Variants in RBFA observed in about 807,000 individuals in gnomAD.
RBFA encodes the protein ribosome binding factor A, also known as putative ribosome-binding factor A, mitochondrial.
A neutral mutation model predicts 27.9 loss-of-function variants in RBFA; 16 were observed. That is an observed-to-expected ratio of 0.57 (90% confidence interval 0.39 to 0.87). The LOEUF (loss-of-function observed/expected upper bound fraction) is 0.87, where lower values mean the gene tolerates loss of function less well. Ranked by LOEUF, RBFA falls within the 40% of genes least tolerant of loss-of-function variation. The pLI, the probability that RBFA is intolerant of heterozygous loss-of-function variation, is 0.00. For synonymous variants in RBFA, 181 were observed against 181.0 expected, an observed-to-expected ratio of 1.00 and a Z score of 0.00; for missense variants, 456 against 432.1, an observed-to-expected ratio of 1.06 and a Z score of -0.49.
chr18:80,038,386 C>T, intron 3 of RBFA, 119 bp from the exon 4 acceptor site: 1 of 691,770 alleles, frequency 1.4e-6, no homozygotes, highest in South Asian at 1.8e-5. Context: ...CAGCAGCATG[C>T]CAGAGCCCTG....
intron 6 of RBFA, among the ~76,000 whole-genome samples, chr18:80,044,882 G>A (rs1226388597): frequency 2.6e-5 from 4 of 152,332 alleles, no homozygotes; most frequent in East Asian, 3.9e-4. Context: ...AGACAGCAGC[G>A]TCAACATCGC....
At chr18:80,039,692 A>G (rs907672779) in intron 4 of RBFA, among the ~76,000 whole-genome samples, 1 of 152,240 alleles carries the variant, frequency 6.6e-6, no homozygotes, top group African/African-American at 2.4e-5. Flanking sequence ...TGAGATTGGC[A>G]GCGACCTTAA....
intron 1 of RBFA, chr18:80,034,907 A>G: frequency 2.2e-6 from 1 of 444,914 alleles, no homozygotes; most frequent in Non-Finnish European, 4.0e-6. Flanking sequence ...CGTATTTTTC[A>G]GAAGATTAGT....
intron 2 of RBFA, 147 bp from the exon 3 acceptor site, chr18:80,037,183 T>G: frequency 1.7e-6 from 1 of 596,492 alleles, no homozygotes; most frequent in African/African-American, 1.8e-5. Flanking sequence ...TTATAAAACT[T>G]TATCTTAATG....
rs2052052084 is a variant in RBFA, at chr18:80,046,103, G to A, written c.980G>A (p.Arg327Lys). Residue 327 changes from arginine to lysine, a missense_variant, in exon 7 of 7, where the codon AGA becomes AAA. By Grantham distance (26) the Arg-to-Lys change is conservative. Transcript: ENST00000306735. ...APDTEELEAERGGGRTEDGHS... is the reference protein window; with the variant it reads ...APDTEELEAEKGGGRTEDGHS... The stretch of plus-strand genomic sequence containing the variant: ...GACACAGAGGAGTTGGAGGCAGAGA[G>A]AGGAGGTGGCAGAACAGAGGATGGC... The A allele has an allele frequency of 6.2e-7, 1 of 1,614,180 alleles. No individual in the cohort carries two copies.
intron 6 of RBFA, among the ~76,000 whole-genome samples, chr18:80,044,934 C>T (rs2052040616): frequency 6.6e-6 from 1 of 152,204 alleles, no homozygotes; most frequent in Non-Finnish European, 1.5e-5. Flanking sequence ...CTGCCAGGTG[C>T]ATCCCTGAGC....
chr18:80,042,265 T>C, intron 5 of RBFA, 46 bp downstream of exon 5: 2 of 1,302,906 alleles, frequency 1.5e-6, no homozygotes, highest in Non-Finnish European at 2.1e-6. Flanking sequence ...ATTTTTATTT[T>C]TTTAATTAGA....
chr18:80,045,049 C>A (rs1416686516), intron 6 of RBFA, among the ~76,000 whole-genome samples: 1 of 152,168 alleles, frequency 6.6e-6, no homozygotes, highest in Non-Finnish European at 1.5e-5. Context: ...TGGAAACTTT[C>A]CAAAGTGGAG....
In RBFA at chr18:80,046,173, A is replaced by T. The variant is rs2052052775; in HGVS notation, c.*18A>T. On this transcript the variant is annotated 3_prime_UTR_variant, in exon 7 of 7. Coordinates refer to ENST00000306735, the MANE Select transcript of RBFA (RefSeq NM_024805.3). ...GGGAGTAGATGGAGAGGCTCTGCCC[A>T]TCCCACATTTGCAGGGAAAAGCATT... 6.2e-7 allele frequency: 1 copy of T among 1,606,418 alleles called. No homozygotes were observed. The highest frequency in any genetic ancestry group is 1.7e-5 in the Admixed American group (1 of 59,586).
intron 1 of RBFA, among the ~76,000 whole-genome samples, chr18:80,036,241 T>G (rs1222347165): frequency 6.6e-6 from 1 of 152,162 alleles, no homozygotes; most frequent in East Asian, 1.9e-4. Flanking sequence ...TCCTTGCTGA[T>G]CTGTAAGTCG....
At chr18:80,043,405 CGAA>C (rs1427240028) in intron 5 of RBFA, among the ~76,000 whole-genome samples, 1 of 152,130 alleles carries the variant, frequency 6.6e-6, no homozygotes, top group Non-Finnish European at 1.5e-5. Flanking sequence ...GAAAAAGAAA[CGAA>C]GGAGTGAAGT....
Position 80,046,088 on chromosome 18 carries a change from A to C in RBFA, c.965A>C (p.Glu322Ala). The stretch of plus-strand genomic sequence containing the variant: ...GAATGCTATGCCCCGGACACAGAGG[A>C]GTTGGAGGCAGAGAGAGGAGGTGGC... ...EYECYAPDTEELEAERGGGRT... is the reference protein window; with the variant it reads ...EYECYAPDTEALEAERGGGRT... The change falls in exon 7 of 7, where the codon GAG becomes GCG. Residue 322 changes from glutamate to alanine, a missense_variant. By Grantham distance (107) the Glu-to-Ala change is moderately radical. Transcript: ENST00000306735. 1 of 1,614,116 alleles carries C rather than the reference A, an allele frequency of 6.2e-7. No homozygotes were observed. Among genetic ancestry groups the C allele is most frequent in the Non-Finnish European group, 8.5e-7 (1 of 1,180,022 alleles).
At chr18:80,041,554 G>C (rs1242237016) in intron 4 of RBFA, 1 of 152,234 alleles carries the variant, frequency 6.6e-6, no homozygotes, top group Non-Finnish European at 1.5e-5. Context: ...GATGAGTTCA[G>C]ATCAGGTTAT....
intron 4 of RBFA, among the ~76,000 whole-genome samples, chr18:80,039,916 GTTTA>G (rs1393957984): frequency 6.6e-6 from 1 of 152,074 alleles, no homozygotes; most frequent in African/African-American, 2.4e-5. Flanking sequence ...CTATTTATAT[GTTTA>G]TTTATTTGAG....
chr18:80,038,626 C>T lies in RBFA; in HGVS notation c.491+9C>T. On this transcript the variant is annotated intron_variant, in intron 4 of 6. Transcript: ENST00000306735. ...AGTGCCGCGCACATGAGGTGATGAC[C>T]TTTGCTTTCTGAATGTACTTGCTTT... 1 of 1,589,884 alleles carries T rather than the reference C, an allele frequency of 6.3e-7. No homozygotes were observed.
chr18:80,042,240 T>A lies in RBFA; in HGVS notation c.576+21T>A, dbSNP rs369676257. 6 of 1,541,552 alleles carry A rather than the reference T, an allele frequency of 3.9e-6. No homozygotes were observed. The African/African-American group carries it at 7.0e-5, about 18-fold the overall frequency. On this transcript the variant is annotated intron_variant, in intron 5 of 6. Coordinates refer to ENST00000306735, the MANE Select transcript of RBFA (RefSeq NM_024805.3). Reference sequence around the variant, plus strand: ...CTGAGGTAAGGTTTTCAAAAAAACTTTTTAAAATTTAAAAATTTTTATTTT... The same window carrying A: ...CTGAGGTAAGGTTTTCAAAAAAACTATTTAAAATTTAAAAATTTTTATTTT...
Position 80,038,606 on chromosome 18 carries a change from C to A in RBFA, c.480C>A (p.Ala160=), listed in dbSNP as rs150078943. The A allele has an allele frequency of 1.2e-6, 2 of 1,612,452 alleles. No individual in the cohort carries two copies. Among genetic ancestry groups the A allele is most frequent in the Non-Finnish European group, 1.7e-6 (2 of 1,178,724 alleles). Residue 160 remains alanine (A), a synonymous_variant, in exon 4 of 7, where the codon GCC becomes GCA. Coordinates refer to ENST00000306735, the MANE Select transcript of RBFA (RefSeq NM_024805.3). ...TGGAGGCTGTCCTGCAGAGAAGTGC[C>A]GCGCACATGAGGTGATGACCTTTGC... is the stretch of plus-strand genomic sequence containing the variant. ...AHMEAVLQRS[A]AHMRHLLMSQ... is the part of the protein sequence containing the mutation.
In RBFA at chr18:80,046,203, C is replaced by T. The variant is rs186596133; in HGVS notation, c.*48C>T. On this transcript the variant is annotated 3_prime_UTR_variant, in exon 7 of 7. Coordinates refer to ENST00000306735, the MANE Select transcript of RBFA (RefSeq NM_024805.3). ...ACATTTGCAGGGAAAAGCATTGGCA[C>T]GCAACGCAGCATGTGGCTTCATTGA... 2.3e-4 allele frequency: 365 copies of T among 1,577,208 alleles called. 1 individual carries two copies. The Middle Eastern group carries it at 2.4e-3, about 10-fold the overall frequency.
At position 80,049,323 on chromosome 18, in the gene RBFA, A is replaced by G. The variant is rs1006216558; in HGVS notation, c.*3168A>G. The stretch of plus-strand genomic sequence containing the variant: ...GATTTCCACGGCCTTTCCTGGGAGC[A>G]GGTTAGGGACATGGAAGCTCACGCC... On this transcript the variant is annotated 3_prime_UTR_variant, in exon 7 of 7. Coordinates refer to ENST00000306735, the MANE Select transcript of RBFA (RefSeq NM_024805.3). Among the ~76,000 whole-genome samples the G allele has an allele frequency of 2.2e-5, 3 of 137,972 alleles. No homozygotes were observed. The highest frequency in any genetic ancestry group is 3.1e-5 in the Non-Finnish European group (2 of 63,828). The allele number at this position is 137,972 out of a possible 152,430, so 90.5% of individuals were successfully genotyped here.
Sources: gnomAD v4.1 joint callset for allele counts (sites outside exome capture counted in the v4.1 genomes callset) on GRCh38, gnomAD v4.1.1 for gene constraint, MANE v1.5 for transcripts, NCBI Gene and HGNC (gene_info 2026-07-23, HGNC 2026-07-21) for gene names.